Variants in KDM4C observed in about 807,000 individuals in gnomAD.
KDM4C encodes lysine demethylase 4C, also known as lysine-specific demethylase 4C.
Under a neutral mutation model 129.3 loss-of-function variants are expected in KDM4C, and 81 were observed. The observed-to-expected ratio is 0.63, with a 90% CI of 0.52 to 0.75. The LOEUF is 0.75. Ranked by LOEUF, KDM4C falls within the 30% of genes least tolerant of loss-of-function variation. The pLI is 0.00. For missense variants in KDM4C, 1,457 were observed against 1,304.0 expected (o/e 1.12, Z -1.81); for synonymous variants, 573 against 456.1 (o/e 1.26, Z -3.26).
chr9:7,098,267 T>G (rs1814238952), intron 17 of KDM4C, among the ~76,000 whole-genome samples: 1 of 152,218 alleles, frequency 6.6e-6, no homozygotes. Flanking sequence ...CTCTGTCTCT[T>G]GACCTAGCTG....
At chr9:7,153,054 C>G (rs1476926901) in intron 19 of KDM4C, among the ~76,000 whole-genome samples, 1 of 152,144 alleles carries the variant, frequency 6.6e-6, no homozygotes, top group Non-Finnish European at 1.5e-5. Context: ...TTTACAGTTT[C>G]TCCCTAATGA....
At chr9:6,895,921 T>A (rs1816348784) in intron 8 of KDM4C, among the ~76,000 whole-genome samples, 1 of 152,220 alleles carries the variant, frequency 6.6e-6, no homozygotes, top group Admixed American at 6.5e-5. Context: ...TCTTGGATAA[T>A]AAATTACCTT....
intron 1 of KDM4C, among the ~76,000 whole-genome samples, chr9:6,728,128 G>A (rs1817202506): frequency 6.7e-6 from 1 of 149,912 alleles, no homozygotes; most frequent in African/African-American, 2.5e-5. Context: ...GAATGCTATG[G>A]GAACCATCCC....
chr9:6,860,215 T>G (rs1158091975), intron 5 of KDM4C, among the ~76,000 whole-genome samples: 1 of 151,856 alleles, frequency 6.6e-6, no homozygotes, highest in African/African-American at 2.4e-5. Flanking sequence ...CGTTTGGAGG[T>G]GTAGGTAGGA....
At chr9:7,110,587 C>G (rs896416444) in intron 18 of KDM4C, among the ~76,000 whole-genome samples, 1 of 152,160 alleles carries the variant, frequency 6.6e-6, no homozygotes, top group Non-Finnish European at 1.5e-5. Context: ...TCCTCATCCT[C>G]TACGCGCTTG....
At chr9:7,031,406 C>T (rs1380190281) in intron 15 of KDM4C, among the ~76,000 whole-genome samples, 1 of 152,110 alleles carries the variant, frequency 6.6e-6, no homozygotes, top group Non-Finnish European at 1.5e-5. Context: ...GGTGGTCTGC[C>T]TGCCTTGGCC....
At chr9:7,069,557 A>G (rs968185986) in intron 17 of KDM4C, among the ~76,000 whole-genome samples, 1 of 152,226 alleles carries the variant, frequency 6.6e-6, no homozygotes, top group Non-Finnish European at 1.5e-5. Flanking sequence ...TTTTAAAATA[A>G]TTACAGATTC....
At chr9:6,867,686 C>T (rs910000486) in intron 5 of KDM4C, among the ~76,000 whole-genome samples, 1 of 152,094 alleles carries the variant, frequency 6.6e-6, no homozygotes, top group Non-Finnish European at 1.5e-5. Context: ...TATGTTTTTC[C>T]AATTTCTTCA....
chr9:7,134,914 G>A (rs1176395801), intron 19 of KDM4C, among the ~76,000 whole-genome samples: 1 of 152,206 alleles, frequency 6.6e-6, no homozygotes, highest in Non-Finnish European at 1.5e-5. Flanking sequence ...CTGGGGTCCT[G>A]ACTAGTCTTA....
intron 19 of KDM4C, among the ~76,000 whole-genome samples, chr9:7,160,330 T>G (rs556711926): frequency 7.2e-5 from 11 of 152,356 alleles, no homozygotes; most frequent in African/African-American, 2.6e-4. Flanking sequence ...AAGCCTATTC[T>G]GTCAACTCGT....
chr9:6,926,341 TAAA>T, intron 8 of KDM4C, among the ~76,000 whole-genome samples: 1 of 107,392 alleles, frequency 9.3e-6, no homozygotes, highest in South Asian at 3.6e-4. Context: ...AGATAATTTG[TAAA>T]AAAAAAAAAA....
At chr9:6,723,079 T>C (rs1355035467) in intron 1 of KDM4C, among the ~76,000 whole-genome samples, 3 of 152,098 alleles carry the variant, frequency 2.0e-5, no homozygotes, top group African/African-American at 7.2e-5. Flanking sequence ...GCTGCCTGAA[T>C]GGTGTCTTAG....
At chr9:6,814,569 G>T in intron 3 of KDM4C, 62 bp from the exon 4 acceptor site, 2 of 1,000,096 alleles carry the variant, frequency 2.0e-6, no homozygotes, top group Non-Finnish European at 3.0e-6. Flanking sequence ...AAATCAATTT[G>T]GTGGGAAAAA....
chr9:6,803,548 C>A (rs1165873603), intron 2 of KDM4C, among the ~76,000 whole-genome samples: 28 of 139,230 alleles, frequency 2.0e-4, no homozygotes, highest in African/African-American at 7.5e-4. Flanking sequence ...CCAGCCTGGG[C>A]AACAAGAGCA....
At chr9:6,877,422 G>C (rs572396941) in intron 5 of KDM4C, among the ~76,000 whole-genome samples, 1 of 152,006 alleles carries the variant, frequency 6.6e-6, no homozygotes, top group African/African-American at 2.4e-5. Context: ...GGGTGGTCTC[G>C]GTCTCCTGAC....
At chr9:6,763,268 C>T (rs76688780) in intron 1 of KDM4C, among the ~76,000 whole-genome samples, 1,531 of 152,262 alleles carry the variant, frequency 0.01, 14 homozygotes, top group South Asian at 0.031. Context: ...TCCTAGTTCC[C>T]TGAATGGGCT....
At chr9:7,145,362 A>G (rs1235214951) in intron 19 of KDM4C, among the ~76,000 whole-genome samples, 1 of 152,168 alleles carries the variant, frequency 6.6e-6, no homozygotes, top group African/African-American at 2.4e-5. Context: ...TGGACAGGCC[A>G]TTGAATGGCT....
intron 15 of KDM4C, among the ~76,000 whole-genome samples, chr9:7,043,430 C>T (rs1281189735): frequency 1.3e-5 from 2 of 151,906 alleles, no homozygotes; most frequent in East Asian, 1.9e-4. Flanking sequence ...GAGAGTTAAC[C>T]TGTTAATTTT....
At chr9:7,150,091 C>T (rs1231513182) in intron 19 of KDM4C, among the ~76,000 whole-genome samples, 1 of 152,172 alleles carries the variant, frequency 6.6e-6, no homozygotes, top group Non-Finnish European at 1.5e-5. Context: ...CTACACCACT[C>T]AACACGGTCA....
Sources: gnomAD v4.1 joint callset for allele counts (sites outside exome capture counted in the v4.1 genomes callset) on GRCh38, gnomAD v4.1.1 for gene constraint, MANE v1.5 for transcripts, NCBI Gene and HGNC (gene_info 2026-07-23, HGNC 2026-07-21) for gene names.